Variants in SAMD12 observed in about 807,000 individuals in gnomAD.
SAMD12 encodes the protein sterile alpha motif domain containing 12.
A neutral mutation model predicts 15.0 loss-of-function variants in SAMD12; 9 were observed. That is an observed-to-expected ratio of 0.60 (90% confidence interval 0.36 to 1.05). SAMD12 has a LOEUF of 1.05. Ranked by LOEUF, SAMD12 falls within the 50% of genes least tolerant of loss-of-function variation. The probability of loss-of-function intolerance (pLI) is 0.01; values close to 1 mark genes in which losing one functional copy is unlikely to be tolerated. For missense variants in SAMD12, 230 were observed against 234.2 expected (o/e 0.98, Z 0.12); for synonymous variants, 86 against 90.1 (o/e 0.96, Z 0.25).
At chr8:118,225,794 T>C (rs1359298836) in intron 4 of SAMD12, among the ~76,000 whole-genome samples, 1 of 152,180 alleles carries the variant, frequency 6.6e-6, no homozygotes, top group African/African-American at 2.4e-5. Flanking sequence ...GCAGCGAGGA[T>C]ACTCAGCATA....
At chr8:118,461,640 A>G (rs1236576838) in intron 2 of SAMD12, among the ~76,000 whole-genome samples, 2 of 152,136 alleles carry the variant, frequency 1.3e-5, no homozygotes, top group East Asian at 3.8e-4. Context: ...GTACTTTTCA[A>G]CTTGTTTTTA....
chr8:118,278,169 A>G (rs1053500299), intron 4 of SAMD12, among the ~76,000 whole-genome samples: 1 of 152,174 alleles, frequency 6.6e-6, no homozygotes, highest in Non-Finnish European at 1.5e-5. Context: ...CACTCTTTAA[A>G]CCTGTGAGAG....
intron 4 of SAMD12, among the ~76,000 whole-genome samples, chr8:118,262,207 A>C (rs965708958): frequency 6.6e-6 from 1 of 152,010 alleles, no homozygotes; most frequent in Non-Finnish European, 1.5e-5. Flanking sequence ...TTTTCAACCC[A>C]CTATATACCA....
intron 4 of SAMD12, among the ~76,000 whole-genome samples, chr8:118,285,599 T>C (rs1813937011): frequency 6.6e-6 from 1 of 152,236 alleles, no homozygotes; most frequent in Non-Finnish European, 1.5e-5. Context: ...TTGCTTCAGA[T>C]AATGTGGCAT....
intron 2 of SAMD12, among the ~76,000 whole-genome samples, chr8:118,527,446 T>C (rs1288310319): frequency 6.6e-6 from 1 of 152,238 alleles, no homozygotes; most frequent in Non-Finnish European, 1.5e-5. Context: ...TTGTTAATTC[T>C]AGTACTTTGT....
chr8:118,321,291 T>TTG (rs1392253473), intron 4 of SAMD12, among the ~76,000 whole-genome samples: 2 of 88,296 alleles, frequency 2.3e-5, no homozygotes, highest in Non-Finnish European at 4.0e-5. Context: ...GGTGTTTTTT[T>TTG]TTTGTTTTTT....
intron 3 of SAMD12, among the ~76,000 whole-genome samples, chr8:118,379,951 G>A (rs550385990): frequency 6.6e-6 from 1 of 152,158 alleles, no homozygotes; most frequent in Non-Finnish European, 1.5e-5. Context: ...CATTCAGTTA[G>A]AATGTGTGAC....
chr8:118,167,473 A>T, the SAMD12 span, among the ~76,000 whole-genome samples: 1 of 152,272 alleles, frequency 6.6e-6, no homozygotes, highest in South Asian at 2.1e-4. Flanking sequence ...AGATCAAGAA[A>T]ACAATACCCC....
chr8:118,444,393 C>T (rs1822846426), intron 2 of SAMD12, among the ~76,000 whole-genome samples: 1 of 152,158 alleles, frequency 6.6e-6, no homozygotes. Flanking sequence ...CAGACATTTC[C>T]TTTCTGAATT....
intron 3 of SAMD12, among the ~76,000 whole-genome samples, chr8:118,397,914 C>T (rs1383475033): frequency 6.6e-6 from 1 of 152,120 alleles, no homozygotes. Flanking sequence ...CATCTCAGCC[C>T]CGCAGTAGCT....
intron 3 of SAMD12, among the ~76,000 whole-genome samples, chr8:118,415,686 C>T (rs1033055973): frequency 1.3e-5 from 2 of 152,094 alleles, no homozygotes; most frequent in African/African-American, 4.8e-5. Flanking sequence ...AGGAGATTTC[C>T]TTGTAGTCTA....
the SAMD12 span, among the ~76,000 whole-genome samples, chr8:118,132,338 C>T: frequency 9.6e-4 from 146 of 152,286 alleles, no homozygotes; most frequent in African/African-American, 3.4e-3. Context: ...TGAGTACTCC[C>T]CATTTACAGC....
chr8:118,288,550 C>T (rs1814181664), intron 4 of SAMD12, among the ~76,000 whole-genome samples: 1 of 152,074 alleles, frequency 6.6e-6, no homozygotes, highest in African/African-American at 2.4e-5. Context: ...ACAATTAGTC[C>T]ACAATAACTA....
At position 118,379,096 on chromosome 8, in the gene SAMD12, A is replaced by G. The variant is rs1182199969; in HGVS notation, c.*321T>C. The G allele has an allele frequency of 3.7e-6, 4 of 1,071,692 alleles. No individual in the cohort carries two copies. Among genetic ancestry groups the G allele is most frequent in the Non-Finnish European group, 4.5e-6 (4 of 882,786 alleles). The allele number at this position is 1,071,692 out of a possible 1,614,324, so 66.4% of individuals were successfully genotyped here. On this transcript the variant is annotated 3_prime_UTR_variant, in exon 4 of 4. Coordinates refer to ENST00000314727, the MANE Select transcript of SAMD12 (RefSeq NM_207506.3). ...CGGTGAAAAGCAAAACAAAAATACA[A>G]CAAAAACTCCACTTATATCACTGGT...
At chr8:118,427,649 G>A (rs1321857288) in intron 3 of SAMD12, among the ~76,000 whole-genome samples, 1 of 152,168 alleles carries the variant, frequency 6.6e-6, no homozygotes, top group Non-Finnish European at 1.5e-5. Context: ...TAGTTGAGTA[G>A]AGGTTTTGGT....
At chr8:118,447,700 T>A (rs1822956852) in intron 2 of SAMD12, among the ~76,000 whole-genome samples, 1 of 134,752 alleles carries the variant, frequency 7.4e-6, no homozygotes, top group African/African-American at 2.7e-5. Context: ...ATTTTTTATT[T>A]TTAATATTTA....
At chr8:118,486,503 TAGA>T (rs1022432572) in intron 2 of SAMD12, among the ~76,000 whole-genome samples, 2 of 151,204 alleles carry the variant, frequency 1.3e-5, no homozygotes, top group African/African-American at 4.9e-5. Context: ...GCTTTGAAGA[TAGA>T]AGGAGGGGCC....
At chr8:118,373,165 C>G (rs1265511061), downstream of SAMD12, among the ~76,000 whole-genome samples, 1 of 152,040 alleles carries the variant, frequency 6.6e-6, no homozygotes, top group Non-Finnish European at 1.5e-5. Context: ...ACAGAATATA[C>G]CTTAATAAAA....
chr8:118,553,004 G>A (rs1168335986), intron 2 of SAMD12, among the ~76,000 whole-genome samples: 1 of 151,816 alleles, frequency 6.6e-6, no homozygotes, highest in Non-Finnish European at 1.5e-5. Context: ...AAGGAGAACT[G>A]CAAACCACTG....
Sources: gnomAD v4.1 joint callset for allele counts (sites outside exome capture counted in the v4.1 genomes callset) on GRCh38, gnomAD v4.1.1 for gene constraint, MANE v1.5 for transcripts, NCBI Gene and HGNC (gene_info 2026-07-23, HGNC 2026-07-21) for gene names.